The following KCNC4 variants were observed in gnomAD, a reference collection of about 807,000 sequenced individuals.
KCNC4 encodes the protein voltage-gated potassium channel KCNC4.
In KCNC4, 23 loss-of-function variants were observed where a neutral mutation model predicts 42.8. That is an observed-to-expected ratio of 0.54 (90% CI 0.39 to 0.76). The LOEUF (loss-of-function observed/expected upper bound fraction) is 0.76. KCNC4 is among the 30% of genes least tolerant of loss of function. The probability of loss-of-function intolerance (pLI) is 0.00; values close to 1 mark genes in which losing one functional copy is unlikely to be tolerated. For missense variants in KCNC4, 751 were observed against 898.2 expected, an observed-to-expected ratio of 0.84 and a Z score of 2.10; for synonymous variants, 422 against 393.5, an observed-to-expected ratio of 1.07 and a Z score of -0.86.
intron 3 of KCNC4, among the ~76,000 whole-genome samples, chr1:110,226,654 G>A (rs927497761): frequency 3.3e-5 from 5 of 152,208 alleles, no homozygotes; most frequent in African/African-American, 9.6e-5. Context: ...CCCATCCTGC[G>A]CCAGGGGTCC....
rs1283619059 is a variant in KCNC4, at chr1:110,223,032, G to A, written c.747G>A (p.Glu249=). The A allele has an allele frequency of 3.7e-6, 6 of 1,614,004 alleles. No homozygotes were observed. In the Admixed American group the frequency reaches 8.3e-5, roughly 22 times the overall value. The change falls in exon 2 of 4, where the codon GAG becomes GAA. Residue 249 remains glutamate, a synonymous_variant. Transcript: ENST00000438661. The surrounding 1 kb of genome is among the most constrained non-coding windows in gnomAD (Gnocchi z 7.5). The part of the protein sequence containing the change: ...SITTFCLETH[E]AFNIDRNVTE... ...CCACTTTCTGCCTGGAGACCCATGA[G>A]GCCTTTAATATCGACCGCAACGTGA...
At chr1:110,280,422 G>A (rs1659801570) in intron 1 of KCNC4, among the ~76,000 whole-genome samples, 1 of 152,028 alleles carries the variant, frequency 6.6e-6, no homozygotes, top group Admixed American at 6.6e-5. Context: ...AGAAGCTAAG[G>A]GAAGGTGTCT....
downstream of KCNC4, among the ~76,000 whole-genome samples, chr1:110,249,636 T>C (rs1659217254): frequency 6.6e-6 from 1 of 152,222 alleles, no homozygotes; most frequent in Admixed American, 6.5e-5. Flanking sequence ...TCAGAGTTGG[T>C]GACCTTTTAG....
At chr1:110,253,212 C>T (rs1319768675), downstream of KCNC4, among the ~76,000 whole-genome samples, 1 of 152,242 alleles carries the variant, frequency 6.6e-6, no homozygotes, top group Non-Finnish European at 1.5e-5. Flanking sequence ...CCTTTCCAAT[C>T]TCCAACCACA....
intron 1 of KCNC4, among the ~76,000 whole-genome samples, chr1:110,217,972 C>A (rs1160953248): frequency 1.3e-5 from 2 of 152,206 alleles, no homozygotes; most frequent in Non-Finnish European, 2.9e-5. Context: ...AGTCCCTCAC[C>A]CCATCCCCAC....
chr1:110,284,078 A>T (rs558131083), downstream of KCNC4, among the ~76,000 whole-genome samples: 20 of 152,164 alleles, frequency 1.3e-4, no homozygotes, highest in South Asian at 2.7e-3. Flanking sequence ...TTATATCTTG[A>T]TCATGTATCA....
At chr1:110,277,666 C>T (rs1032503115) in intron 1 of KCNC4, among the ~76,000 whole-genome samples, 2 of 152,220 alleles carry the variant, frequency 1.3e-5, no homozygotes, top group African/African-American at 4.8e-5. Context: ...TGGGAAGTAA[C>T]ATCATAAAAG....
At chr1:110,276,565 A>G (rs1159840001) in intron 1 of KCNC4, among the ~76,000 whole-genome samples, 1 of 152,146 alleles carries the variant, frequency 6.6e-6, no homozygotes, top group Non-Finnish European at 1.5e-5. Flanking sequence ...TATATTGACC[A>G]TCAAAAGCAT....
chr1:110,250,252 A>G (rs1012073162), downstream of KCNC4, among the ~76,000 whole-genome samples: 2 of 152,098 alleles, frequency 1.3e-5, no homozygotes, highest in African/African-American at 4.8e-5. Context: ...AAGTCCAGAC[A>G]GACCCCTGGA....
At chr1:110,258,105 G>A (rs1235600299) in intron 1 of KCNC4, among the ~76,000 whole-genome samples, 2 of 152,202 alleles carry the variant, frequency 1.3e-5, no homozygotes, top group South Asian at 2.1e-4. Flanking sequence ...TGGTAGGAAT[G>A]AAGAATGATA....
rs72990562 is a variant in KCNC4, at chr1:110,267,482, A to G, written n.31-15052A>G. The stretch of plus-strand genomic sequence containing the variant: ...ACATTCCAGATAGCACCACTCCCCA[A>G]TGCCTCCACCGCCCACATGAACACA... On this transcript the variant is annotated intron_variant and non_coding_transcript_variant, in intron 1 of 2. Coordinates refer to the KCNC4 transcript ENST00000412512. Among the ~76,000 whole-genome samples, 356 of 152,032 alleles carry G rather than the reference A, an allele frequency of 2.3e-3. 2 individuals carry two copies. Among genetic ancestry groups the G allele is most frequent in the African/African-American group, 8.0e-3 (330 of 41,460 alleles).
exon 4 of KCNC4, chr1:110,247,790 A>G (rs1468799035): frequency 6.6e-6 from 1 of 151,520 alleles, no homozygotes; most frequent in African/African-American, 2.4e-5. Context: ...TGACCTTGTG[A>G]TCCACCCACC....
intron 1 of KCNC4, chr1:110,222,335 C>T (rs1658145681): frequency 6.5e-6 from 1 of 153,196 alleles, no homozygotes; most frequent in African/African-American, 2.4e-5. Flanking sequence ...CAGTGGACTT[C>T]AAACTAGTGT....
At chr1:110,218,306 A>G (rs1230422152) in intron 1 of KCNC4, among the ~76,000 whole-genome samples, 1 of 152,124 alleles carries the variant, frequency 6.6e-6, no homozygotes, top group Non-Finnish European at 1.5e-5. Flanking sequence ...CCCCTCAAAC[A>G]TAGCAAGCAG....
chr1:110,272,185 C>A (rs935477489), intron 1 of KCNC4, among the ~76,000 whole-genome samples: 1 of 152,176 alleles, frequency 6.6e-6, no homozygotes, highest in African/African-American at 2.4e-5. Context: ...CTGGTTGGAC[C>A]AGAATCAGAT....
Position 110,211,293 on chromosome 1 carries a change from C to G in KCNC4, c.-207C>G. The G allele has an allele frequency of 5.6e-6, 4 of 712,758 alleles. No homozygotes were observed. The highest frequency in any genetic ancestry group is 9.0e-6 in the Non-Finnish European group (4 of 444,132). 44.2% of individuals were successfully genotyped at this position (712,758 alleles called of 1,614,324 possible). On this transcript the variant is annotated 5_prime_UTR_variant, in exon 1 of 4. Transcript: ENST00000438661. This position sits in a 1 kb window ranked among gnomAD's most constrained non-coding sequence, Gnocchi z 6.5. The stretch of plus-strand genomic sequence containing the variant: ...CTCTCCGGAGCTTCCTGCCCTAACC[C>G]CAACCACCTGTGTACCGGAGAAATC...
chr1:110,281,355 G>C (rs1172737420), intron 1 of KCNC4, among the ~76,000 whole-genome samples: 2 of 152,096 alleles, frequency 1.3e-5, no homozygotes, highest in Non-Finnish European at 2.9e-5. Context: ...AGGCTGTGGA[G>C]CTCCAGGCTT....
intron 1 of KCNC4, among the ~76,000 whole-genome samples, chr1:110,274,466 C>T (rs147377976): frequency 3.9e-5 from 6 of 152,162 alleles, no homozygotes; most frequent in African/African-American, 1.4e-4. Flanking sequence ...CAGTGCAATC[C>T]TTATCAAAAT....
intron 3 of KCNC4, among the ~76,000 whole-genome samples, chr1:110,230,854 C>G (rs1658658168): frequency 6.6e-6 from 1 of 152,234 alleles, no homozygotes; most frequent in African/African-American, 2.4e-5. Flanking sequence ...TTTGCAGAAC[C>G]CCTGCATACC....
Sources: allele counts gnomAD v4.1 joint callset (sites outside exome capture counted in the v4.1 genomes callset), GRCh38; gene constraint gnomAD v4.1.1; non-coding constraint Gnocchi (gnomAD v3.1); transcripts MANE v1.5; gene names NCBI Gene and HGNC (gene_info 2026-07-23, HGNC 2026-07-21).